RPS6KC1: variants seen among roughly 807,000 people sequenced by gnomAD.
RPS6KC1 encodes inactive ribosomal protein S6 kinase delta-1.
RPS6KC1 carries 54 observed loss-of-function variants against 103.8 expected under a neutral mutation model. That is an observed-to-expected ratio of 0.52 (90% CI 0.42 to 0.65). RPS6KC1 has a LOEUF of 0.65. Ranked by LOEUF, RPS6KC1 falls within the 30% of genes least tolerant of loss-of-function variation. The probability of loss-of-function intolerance (pLI) is 0.00; values close to 1 mark genes in which losing one functional copy is unlikely to be tolerated. For missense variants in RPS6KC1, 1,151 were observed against 1,253.8 expected, an observed-to-expected ratio of 0.92 and a Z score of 1.24; for synonymous variants, 439 against 438.7, an observed-to-expected ratio of 1.00 and a Z score of -0.01.
At chr1:213,116,205 A>G (rs1358364526) in intron 4 of RPS6KC1, among the ~76,000 whole-genome samples, 1 of 151,740 alleles carries the variant, frequency 6.6e-6, no homozygotes, top group African/African-American at 2.4e-5. Context: ...TTTGTAGGTC[A>G]CTCAGGACTT....
At chr1:213,412,020 C>T in the RPS6KC1 span, among the ~76,000 whole-genome samples, 45 of 152,296 alleles carry the variant, frequency 3.0e-4, no homozygotes, top group African/African-American at 1.1e-3. Flanking sequence ...TTGCTCACTT[C>T]CAATGTTCCC....
the RPS6KC1 span, among the ~76,000 whole-genome samples, chr1:213,641,175 A>G: frequency 1.3e-5 from 2 of 151,182 alleles, no homozygotes; most frequent in African/African-American, 4.9e-5. Flanking sequence ...TTTTTTTTCT[A>G]GAGTGTTTTT....
chr1:213,552,503 A>T, the RPS6KC1 span, among the ~76,000 whole-genome samples: 3 of 152,098 alleles, frequency 2.0e-5, no homozygotes, highest in African/African-American at 7.2e-5. Flanking sequence ...TTCCATCCGT[A>T]TATCTTCTTT....
chr1:213,414,731 G>A, the RPS6KC1 span, among the ~76,000 whole-genome samples: 1 of 148,002 alleles, frequency 6.8e-6, no homozygotes, highest in Admixed American at 6.9e-5. Context: ...GATAAATGGA[G>A]TAAAATAAAA....
the RPS6KC1 span, among the ~76,000 whole-genome samples, chr1:213,628,130 T>C: frequency 6.6e-6 from 1 of 152,242 alleles, no homozygotes; most frequent in African/African-American, 2.4e-5. Context: ...AGGTTCAAGT[T>C]CTTCCTGGTT....
At chr1:213,214,674 A>G (rs559883690) in intron 8 of RPS6KC1, among the ~76,000 whole-genome samples, 8 of 152,306 alleles carry the variant, frequency 5.3e-5, no homozygotes, top group African/African-American at 1.9e-4. Context: ...CCTCTGAGAC[A>G]AAACTTCCAG....
intron 3 of RPS6KC1, among the ~76,000 whole-genome samples, chr1:213,081,005 T>C (rs1558277664): frequency 6.6e-6 from 1 of 152,256 alleles, no homozygotes; most frequent in Non-Finnish European, 1.5e-5. Context: ...AGTCTCTGTT[T>C]TCCTTATACT....
chr1:213,152,271 G>T (rs1453192389), intron 6 of RPS6KC1, among the ~76,000 whole-genome samples: 1 of 146,634 alleles, frequency 6.8e-6, no homozygotes, highest in Non-Finnish European at 1.5e-5. Context: ...GGCTGGCCTG[G>T]CGGGGGGCTG....
At chr1:213,144,833 T>C (rs2147800625) in intron 6 of RPS6KC1, among the ~76,000 whole-genome samples, 1 of 151,998 alleles carries the variant, frequency 6.6e-6, no homozygotes, top group East Asian at 1.9e-4. Flanking sequence ...TCCCAGAATT[T>C]TGGGAGGCTG....
downstream of RPS6KC1, among the ~76,000 whole-genome samples, chr1:213,278,951 T>C (rs893331252): frequency 6.6e-6 from 1 of 152,030 alleles, no homozygotes. Context: ...AAGACTGTTG[T>C]GTATAAAGGC....
the RPS6KC1 span, among the ~76,000 whole-genome samples, chr1:213,448,038 T>G: frequency 1.3e-5 from 2 of 151,932 alleles, no homozygotes; most frequent in Non-Finnish European, 2.9e-5. Flanking sequence ...GTTTGAGACC[T>G]GCCTGGGAAT....
chr1:213,285,937 T>C, the RPS6KC1 span, among the ~76,000 whole-genome samples: 3 of 152,222 alleles, frequency 2.0e-5, no homozygotes, highest in South Asian at 6.2e-4. Flanking sequence ...GCTGGCACCT[T>C]GGTTCTGGGC....
the RPS6KC1 span, among the ~76,000 whole-genome samples, chr1:213,438,555 T>C: frequency 6.6e-6 from 1 of 152,186 alleles, no homozygotes; most frequent in Non-Finnish European, 1.5e-5. Context: ...GAAAGTCAGG[T>C]GTCTAATTGA....
the RPS6KC1 span, among the ~76,000 whole-genome samples, chr1:213,611,666 T>C: frequency 2.0e-5 from 3 of 152,240 alleles, no homozygotes; most frequent in South Asian, 6.2e-4. Context: ...ATGTGCGTTT[T>C]GCATCTTGTA....
chr1:213,627,826 A>G, the RPS6KC1 span, among the ~76,000 whole-genome samples: 1 of 152,224 alleles, frequency 6.6e-6, no homozygotes. Flanking sequence ...TCAGTTTGCC[A>G]GTATTTTATT....
chr1:213,651,232 C>T, the RPS6KC1 span, among the ~76,000 whole-genome samples: 1 of 152,180 alleles, frequency 6.6e-6, no homozygotes, highest in Non-Finnish European at 1.5e-5. Context: ...GGCTACATCT[C>T]CCCAATAAAA....
intron 3 of RPS6KC1, among the ~76,000 whole-genome samples, chr1:213,084,238 T>C (rs952464059): frequency 2.6e-5 from 4 of 152,136 alleles, no homozygotes; most frequent in African/African-American, 7.2e-5. Flanking sequence ...TTTTACATTA[T>C]TTTAAGTTTT....
chr1:213,714,343 T>C, the RPS6KC1 span, among the ~76,000 whole-genome samples: 1 of 152,228 alleles, frequency 6.6e-6, no homozygotes, highest in Non-Finnish European at 1.5e-5. Context: ...TTGGGATGAT[T>C]TCCAAGAAGA....
At chr1:213,137,848 G>A (rs1442168793) in intron 6 of RPS6KC1, among the ~76,000 whole-genome samples, 2 of 95,358 alleles carry the variant, frequency 2.1e-5, no homozygotes, top group Non-Finnish European at 4.0e-5. Flanking sequence ...CCCCCACCAA[G>A]GGATCTCTTA....
Sources: allele counts gnomAD v4.1 joint callset (sites outside exome capture counted in the v4.1 genomes callset), GRCh38; gene constraint gnomAD v4.1.1; transcripts MANE v1.5; gene names NCBI Gene and HGNC (gene_info 2026-07-23, HGNC 2026-07-21).